UBE3D: variants seen among roughly 807,000 people sequenced by gnomAD.
UBE3D encodes the protein E3 ubiquitin-protein ligase E3D.
UBE3D carries 48 observed loss-of-function variants against 49.6 expected under a neutral mutation model. The observed-to-expected ratio is 0.97, with a 90% CI of 0.77 to 1.23. The LOEUF (loss-of-function observed/expected upper bound fraction) is 1.23, where lower values mean the gene tolerates loss of function less well. Ranked by LOEUF, UBE3D falls within the 50% of genes most tolerant of loss-of-function variation. UBE3D has a pLI of 0.00. For synonymous variants in UBE3D, 189 were observed against 174.2 expected (o/e 1.08, Z -0.67); for missense variants, 452 against 468.4 (o/e 0.96, Z 0.32).
chr6:82,987,429 C>G (rs1157515740), intron 8 of UBE3D, among the ~76,000 whole-genome samples: 1 of 152,190 alleles, frequency 6.6e-6, no homozygotes, highest in East Asian at 1.9e-4. Context: ...TACTTATTTT[C>G]CAATTCCTGT....
At chr6:83,058,892 T>C (rs1783986756) in intron 1 of UBE3D, among the ~76,000 whole-genome samples, 2 of 152,212 alleles carry the variant, frequency 1.3e-5, no homozygotes, top group South Asian at 4.1e-4. Flanking sequence ...TTTGCAGGGA[T>C]GACAGTTTCA....
At chr6:82,911,196 C>CAAAAAAAAAAAAAAA (rs1156620624) in intron 9 of UBE3D, among the ~76,000 whole-genome samples, 1 of 39,340 alleles carries the variant, frequency 2.5e-5, no homozygotes, top group Admixed American at 3.5e-4. Context: ...AACATTTTGG[C>CAAAAAAAAAAAAAAA]AAAAAAAAAA....
At chr6:82,910,446 G>A (rs1381869528) in intron 9 of UBE3D, among the ~76,000 whole-genome samples, 3 of 152,144 alleles carry the variant, frequency 2.0e-5, no homozygotes, top group African/African-American at 7.2e-5. Context: ...GAGACTGGGA[G>A]ATTTGTTATT....
At chr6:82,954,987 A>G (rs1335718566) in intron 9 of UBE3D, among the ~76,000 whole-genome samples, 1 of 152,192 alleles carries the variant, frequency 6.6e-6, no homozygotes, top group African/African-American at 2.4e-5. Flanking sequence ...TCTGACAATA[A>G]TATTCAGAAA....
At chr6:82,906,446 A>G (rs1423401533) in intron 9 of UBE3D, among the ~76,000 whole-genome samples, 1 of 151,864 alleles carries the variant, frequency 6.6e-6, no homozygotes, top group Non-Finnish European at 1.5e-5. Context: ...GTCAGTAAAA[A>G]CCTCTTCAAC....
At chr6:83,056,450 CCATT>C (rs1309359965) in intron 2 of UBE3D, among the ~76,000 whole-genome samples, 1 of 152,162 alleles carries the variant, frequency 6.6e-6, no homozygotes, top group Non-Finnish European at 1.5e-5. Flanking sequence ...CTTTCTCTGC[CCATT>C]ATTAGGTGCA....
intron 1 of UBE3D, among the ~76,000 whole-genome samples, chr6:83,061,675 T>C (rs1784177105): frequency 6.6e-6 from 1 of 152,216 alleles, no homozygotes; most frequent in South Asian, 2.1e-4. Flanking sequence ...CTAGGAGTTC[T>C]GCAAAGCAGG....
At chr6:82,987,050 T>C in intron 8 of UBE3D, among the ~76,000 whole-genome samples, 1 of 151,948 alleles carries the variant, frequency 6.6e-6, no homozygotes, top group East Asian at 1.9e-4. Context: ...GCTCAAGCTA[T>C]CCTCCTCCCT....
At chr6:83,064,080 C>T (rs1784345346) in intron 1 of UBE3D, among the ~76,000 whole-genome samples, 1 of 152,108 alleles carries the variant, frequency 6.6e-6, no homozygotes, top group Non-Finnish European at 1.5e-5. Flanking sequence ...ATATATGCAG[C>T]CACATAGATG....
At chr6:82,966,893 C>T (rs951218756) in intron 8 of UBE3D, among the ~76,000 whole-genome samples, 1 of 152,178 alleles carries the variant, frequency 6.6e-6, no homozygotes, top group African/African-American at 2.4e-5. Context: ...GAAACTCAAA[C>T]ATATTATGGT....
chr6:83,033,152 G>A (rs1044177005), intron 5 of UBE3D, among the ~76,000 whole-genome samples: 3 of 152,072 alleles, frequency 2.0e-5, no homozygotes, highest in Non-Finnish European at 4.4e-5. Context: ...CATGGTGAAA[G>A]CAGGGATGAG....
intron 4 of UBE3D, among the ~76,000 whole-genome samples, chr6:83,040,354 A>G (rs1782578336): frequency 6.6e-6 from 1 of 150,968 alleles, no homozygotes; most frequent in South Asian, 2.1e-4. Context: ...ACTGCACTCC[A>G]GCCTGGGCAA....
intron 8 of UBE3D, among the ~76,000 whole-genome samples, chr6:83,003,324 C>G (rs541967060): frequency 2.0e-5 from 3 of 152,130 alleles, no homozygotes; most frequent in South Asian, 4.1e-4. Context: ...AGAAGGAAAC[C>G]AGATTCTCCT....
chr6:82,980,805 C>T (rs569205773), intron 8 of UBE3D, among the ~76,000 whole-genome samples: 4 of 152,070 alleles, frequency 2.6e-5, no homozygotes, highest in African/African-American at 2.4e-5. Context: ...CACCATTTAT[C>T]GAAAAGGGTG....
At chr6:82,978,852 A>G (rs1280276485) in intron 8 of UBE3D, among the ~76,000 whole-genome samples, 2 of 152,180 alleles carry the variant, frequency 1.3e-5, no homozygotes, top group South Asian at 2.1e-4. Context: ...ATGCAAAAAC[A>G]TATTTTGTAC....
At chr6:82,940,686 A>T (rs139551247) in intron 9 of UBE3D, among the ~76,000 whole-genome samples, 1,577 of 152,192 alleles carry the variant, frequency 0.01, 13 homozygotes, top group Admixed American at 0.018. Flanking sequence ...CTTCTTCCCT[A>T]CCCACTCTCA....
At chr6:82,977,676 A>C (rs1320734187) in intron 8 of UBE3D, among the ~76,000 whole-genome samples, 2 of 152,126 alleles carry the variant, frequency 1.3e-5, no homozygotes, top group Admixed American at 1.3e-4. Flanking sequence ...TGTATCTACT[A>C]AAAATACAAA....
chr6:83,003,968 G>T (rs1779800425), intron 8 of UBE3D, among the ~76,000 whole-genome samples: 1 of 152,182 alleles, frequency 6.6e-6, no homozygotes, highest in African/African-American at 2.4e-5. Flanking sequence ...GATTTCAAAT[G>T]ATGCATTTAT....
chr6:82,930,344 A>T (rs2127743717), intron 9 of UBE3D, among the ~76,000 whole-genome samples: 1 of 152,292 alleles, frequency 6.6e-6, no homozygotes, highest in South Asian at 2.1e-4. Flanking sequence ...TTAATACAGT[A>T]GATTGTACTG....
Sources: allele counts gnomAD v4.1 joint callset (sites outside exome capture counted in the v4.1 genomes callset), GRCh38; gene constraint gnomAD v4.1.1; transcripts MANE v1.5; gene names NCBI Gene and HGNC (gene_info 2026-07-23, HGNC 2026-07-21).